The following KCNU1 variants were observed in gnomAD, a reference collection of about 807,000 sequenced individuals.
KCNU1 encodes the protein potassium calcium-activated channel subfamily U member 1.
In KCNU1, 93 loss-of-function variants were observed where a neutral mutation model predicts 126.8. The observed-to-expected ratio is 0.73, with a 90% CI of 0.62 to 0.87. The LOEUF is 0.87. Among genes scored for constraint, KCNU1 ranks in the 40% least tolerant of loss-of-function variants. The pLI is 0.00. For missense variants in KCNU1, 1,330 were observed against 1,367.1 expected (o/e 0.97, Z 0.43); for synonymous variants, 523 against 494.2 (o/e 1.06, Z -0.77).
At chr8:36,935,324 T>G (rs144991720) in intron 26 of KCNU1, among the ~76,000 whole-genome samples, 191 bp from the exon 27 acceptor site, 94 of 152,248 alleles carry the variant, frequency 6.2e-4, no homozygotes, top group African/African-American at 2.2e-3. Flanking sequence ...CTAGAACCTC[T>G]CCTCTTGCAC....
intron 19 of KCNU1, among the ~76,000 whole-genome samples, chr8:36,893,786 AT>A (rs1160135588): frequency 6.6e-6 from 1 of 151,968 alleles, no homozygotes; most frequent in Non-Finnish European, 1.5e-5. Flanking sequence ...GATTTTGATA[AT>A]TTTTTTGTCA....
intron 11 of KCNU1, among the ~76,000 whole-genome samples, chr8:36,834,511 A>G (rs1804675015): frequency 1.3e-5 from 2 of 152,218 alleles, no homozygotes; most frequent in Non-Finnish European, 2.9e-5. Flanking sequence ...GGATGGTAGG[A>G]AAAATATAAC....
rs1236684118 is a variant in KCNU1 at position 36,867,082 on chromosome 8, T to C, written c.2009+2561T>C. ...ACAAGGGAAAGAAGTTGGAAAACTT[T>C]CACAATAAAAAATTTTTGCAGTTCA... is the stretch of plus-strand genomic sequence containing the variant. On this transcript the variant is annotated intron_variant, in intron 19 of 26. Coordinates refer to ENST00000399881, the MANE Select transcript of KCNU1 (RefSeq NM_001031836.3). 3.3e-5 allele frequency among the ~76,000 whole-genome samples: 5 copies of C among 152,268 alleles called. No homozygotes were observed. In the East Asian group the frequency reaches 9.7e-4, roughly 29 times the overall value.
chr8:36,915,197 TAG>T (rs1426564638), intron 22 of KCNU1, among the ~76,000 whole-genome samples: 3 of 152,328 alleles, frequency 2.0e-5, no homozygotes, highest in African/African-American at 7.2e-5. Flanking sequence ...GATTTACCCA[TAG>T]AGAGGTTTCC....
chr8:36,936,023 T>C lies in KCNU1; in HGVS notation c.*103T>C. On this transcript the variant is annotated 3_prime_UTR_variant, in exon 27 of 27. Transcript: ENST00000399881. ...AATAAGAATGGAAGCATGCCATTTTTCTGCCCATTGCTTAGTGGTTCATGA... is the reference window on the plus strand; with the variant it reads ...AATAAGAATGGAAGCATGCCATTTTCCTGCCCATTGCTTAGTGGTTCATGA... 1 of 1,105,902 alleles carries C rather than the reference T, an allele frequency of 9.0e-7. No individual in the cohort carries two copies. Among genetic ancestry groups the C allele is most frequent in the Non-Finnish European group, 1.3e-6 (1 of 782,094 alleles). 68.5% of individuals were successfully genotyped at this position (1,105,902 alleles called of 1,614,324 possible). A position where few individuals can be genotyped will look rare whatever the true frequency, so the allele number is the denominator to read the frequency against.
At chr8:36,910,842 A>T in intron 21 of KCNU1, 88 bp from the exon 22 acceptor site, 1 of 885,276 alleles carries the variant, frequency 1.1e-6, no homozygotes, top group Non-Finnish European at 1.7e-6. Context: ...CTCAAAAATT[A>T]CATCACTCAC....
In KCNU1 at chr8:36,911,126, A is replaced by G; in HGVS notation, c.2521+7A>G. On this transcript the variant is annotated splice_region_variant and intron_variant, in intron 22 of 26. Transcript: ENST00000399881. ...CCGTCACCCTCAGTGTCAGGTGAGA[A>G]CAGCACCCCTGAAAAGAAGAAACTA... The G allele has an allele frequency of 6.3e-7, 1 of 1,594,778 alleles. No individual in the cohort carries two copies. The highest frequency in any genetic ancestry group is 8.6e-7 in the Non-Finnish European group (1 of 1,166,670).
intron 2 of KCNU1, among the ~76,000 whole-genome samples, chr8:36,796,983 T>C (rs1803123500): frequency 6.6e-6 from 1 of 152,146 alleles, no homozygotes; most frequent in African/African-American, 2.4e-5. Flanking sequence ...GGGAGATCTG[T>C]TAGCAAGAAA....
chr8:36,813,497 TATATA>T (rs988665760), intron 7 of KCNU1, among the ~76,000 whole-genome samples: 4 of 150,450 alleles, frequency 2.7e-5, no homozygotes, highest in African/African-American at 7.3e-5. Flanking sequence ...ATGTATGTTA[TATATA>T]ATATATTATG....
In KCNU1 at chr8:36,931,146, G is replaced by A; in HGVS notation, c.2931+1G>A. The A allele has an allele frequency of 6.3e-7, 1 of 1,599,732 alleles. No homozygotes were observed. The highest frequency in any genetic ancestry group is 1.1e-5 in the South Asian group (1 of 88,616). ...CGAAACCATTTTATCAGACGTTAAT[G>A]TGAGTCTACTCTTCTCAGAATTCAG... is the stretch of plus-strand genomic sequence containing the variant. On this transcript the variant is annotated splice_donor_variant, in intron 25 of 26. Coordinates refer to ENST00000399881, the MANE Select transcript of KCNU1 (RefSeq NM_001031836.3). LOFTEE classifies it high-confidence loss of function.
chr8:36,904,706 C>T (rs1010484259), intron 19 of KCNU1, among the ~76,000 whole-genome samples: 9 of 152,104 alleles, frequency 5.9e-5, no homozygotes, highest in South Asian at 2.1e-4. Flanking sequence ...GAGGCCTAGG[C>T]TTGGTTCTCC....
chr8:36,859,024 A>C (rs1023110593), intron 18 of KCNU1, among the ~76,000 whole-genome samples: 17 of 152,184 alleles, frequency 1.1e-4, no homozygotes, highest in Non-Finnish European at 2.2e-4. Context: ...ATTCTAAAGC[A>C]ACAAGCAGCA....
chr8:36,914,382 A>C (rs1023451597), intron 22 of KCNU1, among the ~76,000 whole-genome samples: 2 of 152,196 alleles, frequency 1.3e-5, no homozygotes, highest in Non-Finnish European at 2.9e-5. Flanking sequence ...GATGCTGCTA[A>C]ACGTCTTTCA....
intron 10 of KCNU1, among the ~76,000 whole-genome samples, chr8:36,832,845 C>T (rs951243301): frequency 8.6e-5 from 13 of 151,976 alleles, no homozygotes; most frequent in Non-Finnish European, 1.6e-4. Flanking sequence ...TATCTCAAAG[C>T]ATATATATTT....
At chr8:36,865,773 CAAAAAAAAAAAA>C (rs538090899) in intron 19 of KCNU1, among the ~76,000 whole-genome samples, 7 of 61,380 alleles carry the variant, frequency 1.1e-4, no homozygotes, top group South Asian at 6.4e-4. Context: ...AAGAGCTTGT[CAAAAAAAAAAAA>C]AAAAAAAAAA....
intron 10 of KCNU1, 76 bp downstream of exon 10, chr8:36,817,836 T>C: frequency 1.4e-6 from 1 of 712,420 alleles, no homozygotes; most frequent in East Asian, 2.6e-5. Flanking sequence ...TGCAAGAAAA[T>C]TACCTTCACA....
chr8:36,918,030 A>G (rs1352278652), intron 22 of KCNU1, among the ~76,000 whole-genome samples: 2 of 152,184 alleles, frequency 1.3e-5, no homozygotes, highest in East Asian at 1.9e-4. Flanking sequence ...GCCACTTGCA[A>G]TGTGTCCTAA....
At chr8:36,789,984 A>C (rs1802847337) in intron 2 of KCNU1, among the ~76,000 whole-genome samples, 1 of 152,150 alleles carries the variant, frequency 6.6e-6, no homozygotes, top group African/African-American at 2.4e-5. Flanking sequence ...GAGCTACAAG[A>C]CTCAAAGGGA....
At chr8:36,898,236 A>G (rs745315348) in intron 19 of KCNU1, among the ~76,000 whole-genome samples, 9 of 152,074 alleles carry the variant, frequency 5.9e-5, no homozygotes, top group Admixed American at 2.6e-4. Context: ...TAAAATATTC[A>G]TATACCCTGC....
Sources: allele counts gnomAD v4.1 joint callset (sites outside exome capture counted in the v4.1 genomes callset), GRCh38; gene constraint gnomAD v4.1.1; transcripts MANE v1.5; gene names NCBI Gene and HGNC (gene_info 2026-07-23, HGNC 2026-07-21).